The following FRMD4B variants were observed in gnomAD, a reference collection of about 807,000 sequenced individuals.
The protein encoded by FRMD4B is FERM domain-containing protein 4B.
A neutral mutation model predicts 141.5 loss-of-function variants in FRMD4B; 74 were observed. The observed-to-expected ratio is 0.52, with a 90% CI of 0.43 to 0.63. FRMD4B has a LOEUF of 0.63. Among genes scored for constraint, FRMD4B ranks in the 30% least tolerant of loss-of-function variants. The pLI is 0.00. For synonymous variants in FRMD4B, 506 were observed against 467.9 expected (o/e 1.08, Z -1.05); for missense variants, 1,366 against 1,253.4 (o/e 1.09, Z -1.36).
intron 5 of FRMD4B, among the ~76,000 whole-genome samples, chr3:69,284,198 T>C (rs1020354278): frequency 6.6e-6 from 1 of 151,950 alleles, no homozygotes; most frequent in Non-Finnish European, 1.5e-5. Flanking sequence ...TCAAAATGAA[T>C]AGAATTTGCA....
Position 69,193,755 on chromosome 3 carries a change from T to C in FRMD4B, c.1607A>G (p.Gln536Arg), listed in dbSNP as rs1296411625. ...LCKTVKKKRK[Q>R]DYTDAMKKLQ... Reference sequence around the variant, plus strand: ...CTTTTTCATCGCATCTGTGTAATCTTGCTTTCGCTTTTTCTTCACAGTTTT... The same window carrying C: ...CTTTTTCATCGCATCTGTGTAATCTCGCTTTCGCTTTTTCTTCACAGTTTT... Residue 536 changes from glutamine to arginine, a missense_variant, in exon 17 of 23, where the codon CAA becomes CGA. Physicochemically the swap from Gln to Arg is conservative, Grantham distance 43. Coordinates refer to ENST00000398540, the MANE Select transcript of FRMD4B (RefSeq NM_015123.3). The C allele has an allele frequency of 1.2e-6, 2 of 1,613,628 alleles. No homozygotes were observed. The highest frequency in any genetic ancestry group is 1.7e-6 in the Non-Finnish European group (2 of 1,179,524).
intron 1 of FRMD4B, among the ~76,000 whole-genome samples, chr3:69,507,615 G>T (rs1179625820): frequency 6.6e-6 from 1 of 152,200 alleles, no homozygotes; most frequent in Non-Finnish European, 1.5e-5. Context: ...GCTACAAACA[G>T]TGCTGTAGGG....
At chr3:69,195,422 A>G in intron 14 of FRMD4B, 58 bp from the exon 15 acceptor site, 1 of 1,400,910 alleles carries the variant, frequency 7.1e-7, no homozygotes, top group South Asian at 1.4e-5. Context: ...CTTCCTTTCT[A>G]AGGGACAAAG....
intron 1 of FRMD4B, among the ~76,000 whole-genome samples, chr3:69,383,160 T>A (rs1456050501): frequency 3.3e-5 from 5 of 152,224 alleles, no homozygotes; most frequent in African/African-American, 1.2e-4. Context: ...TGAAGTATAG[T>A]AAGATTAACT....
At chr3:69,316,307 C>A (rs1553722677) in intron 1 of FRMD4B, among the ~76,000 whole-genome samples, 1 of 152,172 alleles carries the variant, frequency 6.6e-6, no homozygotes, top group Non-Finnish European at 1.5e-5. Context: ...GGAAACAGAG[C>A]AAGTCTTTAT....
chr3:69,394,062 C>A (rs1704433920), intron 2 of FRMD4B, among the ~76,000 whole-genome samples: 1 of 152,148 alleles, frequency 6.6e-6, no homozygotes, highest in Non-Finnish European at 1.5e-5. Flanking sequence ...GTTCAGGATG[C>A]TATAACAAAA....
intron 11 of FRMD4B, among the ~76,000 whole-genome samples, chr3:69,201,306 A>C (rs1290274961): frequency 6.6e-6 from 1 of 152,332 alleles, no homozygotes; most frequent in South Asian, 2.1e-4. Flanking sequence ...AGAAACTTGA[A>C]TATCATTAGT....
chr3:69,171,721 C>A lies in FRMD4B; in HGVS notation c.*140G>T. ...GCTTGGTGTGTGATTCACTGATTCACTTCCAGGGCAACTAAGTCTTCTCTT... is the reference window on the plus strand; with the variant it reads ...GCTTGGTGTGTGATTCACTGATTCAATTCCAGGGCAACTAAGTCTTCTCTT... On this transcript the variant is annotated 3_prime_UTR_variant, in exon 23 of 23. Coordinates refer to ENST00000398540, the MANE Select transcript of FRMD4B (RefSeq NM_015123.3). 2.5e-6 allele frequency: 2 copies of A among 805,838 alleles called. No individual in the cohort carries two copies. Among genetic ancestry groups the A allele is most frequent in the Non-Finnish European group, 4.0e-6 (2 of 498,612 alleles). The allele number at this position is 805,838 out of a possible 1,614,324, so 49.9% of individuals were successfully genotyped here.
At chr3:69,281,259 T>C (rs956666971) in intron 5 of FRMD4B, among the ~76,000 whole-genome samples, 1 of 152,128 alleles carries the variant, frequency 6.6e-6, no homozygotes, top group Non-Finnish European at 1.5e-5. Context: ...TAACATATAA[T>C]TCTCACTCAT....
chr3:69,171,557 C>A lies in FRMD4B; in HGVS notation c.*304G>T. ...AGGTTTGCCTTTAACAACTTTTACT[C>A]CCTTAAAAAGTGCTTGCTATTGATG... On this transcript the variant is annotated 3_prime_UTR_variant, in exon 23 of 23. Coordinates refer to ENST00000398540, the MANE Select transcript of FRMD4B (RefSeq NM_015123.3). 4.4e-6 allele frequency: 1 copy of A among 225,082 alleles called. No individual in the cohort carries two copies. The allele number at this position is 225,082 out of a possible 1,614,324, so 13.9% of individuals were successfully genotyped here.
At position 69,325,112 on chromosome 3, in the gene FRMD4B, A is replaced by AGAAAGAAAGAAT. The variant is rs1255157495; in HGVS notation, c.163-11596_163-11595insATTCTTTCTTTC. Among the ~76,000 whole-genome samples, 378 of 151,470 alleles carry AGAAAGAAAGAAT rather than the reference A, an allele frequency of 2.5e-3. 2 individuals carry two copies. Among genetic ancestry groups the AGAAAGAAAGAAT allele is most frequent in the Non-Finnish European group, 4.7e-3 (318 of 67,704 alleles). On this transcript the variant is annotated intron_variant, in intron 1 of 22. Coordinates refer to ENST00000398540, the MANE Select transcript of FRMD4B (RefSeq NM_015123.3). Reference sequence around the variant, plus strand: ...AAGAAAGAAAGAAAGAAAGAAAGAAAGAAAGAAAGAAAGAAAAGAAATTAA... The same window carrying AGAAAGAAAGAAT: ...AAGAAAGAAAGAAAGAAAGAAAGAAAGAAAGAAAGAATGAAAGAAAGAAAGAAAAGAAATTAA...
At chr3:69,520,670 G>A (rs1280305684) in intron 1 of FRMD4B, among the ~76,000 whole-genome samples, 1 of 151,856 alleles carries the variant, frequency 6.6e-6, no homozygotes. Flanking sequence ...TTTTCTTCCT[G>A]GTGGGTAGAA....
intron 11 of FRMD4B, among the ~76,000 whole-genome samples, chr3:69,204,528 A>G (rs1291526029): frequency 1.2e-4 from 18 of 152,232 alleles, no homozygotes; most frequent in Admixed American, 1.2e-3. Flanking sequence ...CGTGAAGCCA[A>G]ACAAAATCAC....
Position 69,458,122 on chromosome 3 carries a change from C to CA in FRMD4B, c.-128-25362dup, listed in dbSNP as rs1464683324. Among the ~76,000 whole-genome samples, 3 of 152,320 alleles carry CA rather than the reference C, an allele frequency of 2.0e-5. No homozygotes were observed. The East Asian group carries it at 5.8e-4, about 29-fold the overall frequency. ...TTTCAGGTTCTGCTTTGGAGGAACT[C>CA]ACACTAAAAGAGTTTGTAAGCAAAT... is the stretch of plus-strand genomic sequence containing the variant. On this transcript the variant is annotated intron_variant, in intron 1 of 5. Coordinates refer to the FRMD4B transcript ENST00000459638.
At chr3:69,349,838 G>T (rs1252885422) in intron 1 of FRMD4B, among the ~76,000 whole-genome samples, 1 of 152,158 alleles carries the variant, frequency 6.6e-6, no homozygotes, top group Non-Finnish European at 1.5e-5. Flanking sequence ...GTGGATTAAA[G>T]ACCTAAATGT....
At chr3:69,399,568 TTA>T (rs1218959824) in intron 2 of FRMD4B, among the ~76,000 whole-genome samples, 1 of 152,226 alleles carries the variant, frequency 6.6e-6, no homozygotes, top group Non-Finnish European at 1.5e-5. Flanking sequence ...TGTTCCTGTT[TTA>T]TGTTTTGCCT....
chr3:69,353,064 C>T (rs1703201408), intron 1 of FRMD4B, among the ~76,000 whole-genome samples: 1 of 149,070 alleles, frequency 6.7e-6, no homozygotes, highest in Non-Finnish European at 1.5e-5. Flanking sequence ...TTTTCTACAT[C>T]CATAAAGAAA....
At chr3:69,399,009 T>G (rs1453734255) in intron 2 of FRMD4B, among the ~76,000 whole-genome samples, 1 of 152,118 alleles carries the variant, frequency 6.6e-6, no homozygotes, top group Non-Finnish European at 1.5e-5. Flanking sequence ...TCTACAGAAG[T>G]CATTCAAGGC....
intron 18 of FRMD4B, among the ~76,000 whole-genome samples, chr3:69,188,142 T>C (rs2092790560): frequency 1.3e-5 from 2 of 152,172 alleles, no homozygotes; most frequent in Admixed American, 1.3e-4. Context: ...CTGAACCATC[T>C]TTTGCCAAAT....
Sources: gnomAD v4.1 joint callset for allele counts (sites outside exome capture counted in the v4.1 genomes callset) on GRCh38, gnomAD v4.1.1 for gene constraint, MANE v1.5 for transcripts, NCBI Gene and HGNC (gene_info 2026-07-23, HGNC 2026-07-21) for gene names.